Variants in PTPRN2 observed in about 807,000 individuals in gnomAD.
PTPRN2 encodes the protein protein tyrosine phosphatase receptor type N2.
PTPRN2 carries 74 observed loss-of-function variants against 118.8 expected under a neutral mutation model. The observed-to-expected ratio is 0.62, with a 90% confidence interval of 0.52 to 0.76. PTPRN2 has a LOEUF of 0.76. Ranked by LOEUF, PTPRN2 falls within the 30% of genes least tolerant of loss-of-function variation. The probability of loss-of-function intolerance (pLI) is 0.00; values close to 1 mark genes in which losing one functional copy is unlikely to be tolerated. For missense variants in PTPRN2, 1,481 were observed against 1,394.4 expected, an observed-to-expected ratio of 1.06 and a Z score of -0.99; for synonymous variants, 641 against 608.0, an observed-to-expected ratio of 1.05 and a Z score of -0.80.
intron 12 of PTPRN2, among the ~76,000 whole-genome samples, chr7:157,892,282 A>G (rs1277018745): frequency 6.6e-6 from 1 of 152,258 alleles, no homozygotes; most frequent in Non-Finnish European, 1.5e-5. Context: ...GCCTTTATCC[A>G]AATTATTTTT....
At chr7:157,892,109 G>A (rs1321786045) in intron 12 of PTPRN2, among the ~76,000 whole-genome samples, 2 of 151,908 alleles carry the variant, frequency 1.3e-5, no homozygotes, top group Admixed American at 6.6e-5. Context: ...TGTCTATCAC[G>A]ACGCTTAGAA....
intron 12 of PTPRN2, among the ~76,000 whole-genome samples, chr7:157,892,832 C>T (rs1796880851): frequency 6.6e-6 from 1 of 152,192 alleles, no homozygotes; most frequent in South Asian, 2.1e-4. Context: ...AACAGACAAA[C>T]CCTTCCATCA....
intron 3 of PTPRN2, among the ~76,000 whole-genome samples, 167 bp downstream of exon 3, chr7:158,316,652 C>A (rs1048983030): frequency 6.6e-6 from 1 of 152,190 alleles, no homozygotes; most frequent in African/African-American, 2.4e-5. Flanking sequence ...ACGGACGATC[C>A]CAGTAGGAAG....
chr7:157,818,799 A>C lies in PTPRN2; in HGVS notation c.1788+79874T>G, dbSNP rs540275904. The stretch of plus-strand genomic sequence containing the variant: ...GCTTTTGTGATTAATTAATTCATTA[A>C]TTACGTGTGGAGAACCTCCTGGGTG... On this transcript the variant is annotated intron_variant, in intron 12 of 22. Coordinates refer to ENST00000389418, the MANE Select transcript of PTPRN2 (RefSeq NM_002847.5). Among the ~76,000 whole-genome samples the C allele has an allele frequency of 3.3e-5, 5 of 152,290 alleles. No individual in the cohort carries two copies. The South Asian group carries it at 1.0e-3, about 32-fold the overall frequency.
intron 17 of PTPRN2, among the ~76,000 whole-genome samples, chr7:157,594,763 G>A (rs946607956): frequency 6.6e-6 from 1 of 152,176 alleles, no homozygotes; most frequent in Non-Finnish European, 1.5e-5. Flanking sequence ...TGACATTCAC[G>A]TCAGCCCTCA....
rs1805382961 is a variant in PTPRN2 at position 157,802,554 on chromosome 7, C to G, written c.1788+96119G>C. On this transcript the variant is annotated intron_variant, in intron 12 of 22. Transcript: ENST00000389418. ...GATGAACTCCGGAGCGCACCCGTCA[C>G]TTCGAGGTCCTGATTTAACTTCCTT... Among the ~76,000 whole-genome samples the G allele has an allele frequency of 1.3e-5, 2 of 152,240 alleles. 1 individual carries two copies. The highest frequency in any genetic ancestry group is 4.1e-4 in the South Asian group (2 of 4,832).
chr7:157,950,612 TTTG>T (rs1426231419), intron 11 of PTPRN2, among the ~76,000 whole-genome samples: 1 of 152,246 alleles, frequency 6.6e-6, no homozygotes, highest in Non-Finnish European at 1.5e-5. Flanking sequence ...TCTAGATTCC[TTTG>T]TTATTTGTGA....
intron 11 of PTPRN2, among the ~76,000 whole-genome samples, chr7:158,035,275 G>A (rs1312298318): frequency 6.6e-6 from 1 of 152,168 alleles, no homozygotes; most frequent in Non-Finnish European, 1.5e-5. Context: ...TGTCCATTTC[G>A]AGCACACATT....
At chr7:158,319,396 TCCCA>T (rs1213011861) in intron 2 of PTPRN2, among the ~76,000 whole-genome samples, 1 of 42,136 alleles carries the variant, frequency 2.4e-5, no homozygotes, top group African/African-American at 5.3e-5. Flanking sequence ...ACACACAGCC[TCCCA>T]CACACACACA....
rs1799178964 is a variant in PTPRN2 at position 157,561,261 on chromosome 7, C to T, written c.2902+7641G>A. On this transcript the variant is annotated intron_variant, in intron 21 of 22. Coordinates refer to ENST00000389418, the MANE Select transcript of PTPRN2 (RefSeq NM_002847.5). ...CGGCCGGTCTCCCCGCCCTCTGGTTCTGCACTGCCTGGCTGGTCCTCCAGC... is the reference window on the plus strand; with the variant it reads ...CGGCCGGTCTCCCCGCCCTCTGGTTTTGCACTGCCTGGCTGGTCCTCCAGC... 2.0e-5 allele frequency among the ~76,000 whole-genome samples: 3 copies of T among 152,222 alleles called. No individual in the cohort carries two copies. In the South Asian group the frequency reaches 6.2e-4, roughly 32 times the overall value.
intron 2 of PTPRN2, among the ~76,000 whole-genome samples, chr7:158,488,535 G>A (rs752182752): frequency 1.3e-5 from 2 of 152,292 alleles, no homozygotes; most frequent in Non-Finnish European, 2.9e-5. Context: ...ACCTCAGGGC[G>A]CACGAGCTCC....
chr7:157,973,156 T>G (rs1038720293), intron 11 of PTPRN2, among the ~76,000 whole-genome samples: 5 of 152,134 alleles, frequency 3.3e-5, no homozygotes, highest in Non-Finnish European at 7.4e-5. Flanking sequence ...CCCCATGAGA[T>G]GCCCTGGAGC....
At chr7:158,582,751 T>C (rs1828695688) in intron 1 of PTPRN2, among the ~76,000 whole-genome samples, 2 of 136,124 alleles carry the variant, frequency 1.5e-5, no homozygotes, top group African/African-American at 5.7e-5. Context: ...GAGCCATGAT[T>C]GCGCCATTGT....
chr7:158,543,559 G>C (rs560667374), intron 1 of PTPRN2, among the ~76,000 whole-genome samples: 2 of 152,346 alleles, frequency 1.3e-5, no homozygotes, highest in African/African-American at 4.8e-5. Context: ...CTGTTACCAA[G>C]ATGGCAGAAC....
At chr7:157,760,158 A>T (rs1223456295) in intron 12 of PTPRN2, among the ~76,000 whole-genome samples, 1 of 152,072 alleles carries the variant, frequency 6.6e-6, no homozygotes, top group Admixed American at 6.5e-5. Context: ...CACCCACTGA[A>T]TCTCTCTAAC....
intron 2 of PTPRN2, among the ~76,000 whole-genome samples, chr7:158,380,772 G>A (rs1810911144): frequency 6.6e-6 from 1 of 152,206 alleles, no homozygotes; most frequent in African/African-American, 2.4e-5. Flanking sequence ...TCTCCATGAG[G>A]GCCCCACCCC....
rs1411626041 is a variant in PTPRN2 at position 157,977,042 on chromosome 7, G to A, written c.1724-78305C>T. On this transcript the variant is annotated intron_variant, in intron 11 of 22. Transcript: ENST00000389418. This position sits in a 1 kb window ranked among gnomAD's most constrained non-coding sequence, Gnocchi z 4.6. ...ATTATGAAAAGCCATAAACACAGTA[G>A]TTTCCATGAAAAACTATGAGTAGGT... Among the ~76,000 whole-genome samples, 1 of 151,942 alleles carries A rather than the reference G, an allele frequency of 6.6e-6. No homozygotes were observed. Among genetic ancestry groups the A allele is most frequent in the Non-Finnish European group, 1.5e-5 (1 of 67,972 alleles).
intron 10 of PTPRN2, among the ~76,000 whole-genome samples, chr7:158,099,913 T>C (rs781434036): frequency 2.3e-4 from 34 of 145,266 alleles, no homozygotes; most frequent in Non-Finnish European, 2.7e-4. Flanking sequence ...ATTGTGTTCA[T>C]GAAATAAACT....
Position 158,192,492 on chromosome 7 carries a change from G to C in PTPRN2, c.384C>G (p.Pro128=). The stretch of plus-strand genomic sequence containing the variant: ...TCTCGCTGCCAACGCTGTGTTTTGA[G>C]GGCCTGAAAAAGCAAAAGAAACCAG... The part of the protein sequence containing the change: ...RRPEASSPAR[P]SKHSVGSERR... Residue 128 remains proline, a synonymous_variant, in exon 5 of 23, where the codon CCC becomes CCG. Coordinates refer to ENST00000389418, the MANE Select transcript of PTPRN2 (RefSeq NM_002847.5). The C allele has an allele frequency of 6.3e-7, 1 of 1,580,952 alleles. No individual in the cohort carries two copies. Among genetic ancestry groups the C allele is most frequent in the African/African-American group, 1.4e-5 (1 of 72,560 alleles).
Sources: gnomAD v4.1 joint callset for allele counts (sites outside exome capture counted in the v4.1 genomes callset) on GRCh38, gnomAD v4.1.1 for gene constraint, Gnocchi (gnomAD v3.1) non-coding constraint, MANE v1.5 for transcripts, NCBI Gene and HGNC (gene_info 2026-07-23, HGNC 2026-07-21) for gene names.